The following MED1 variants were observed in gnomAD, a reference collection of about 807,000 sequenced individuals.
MED1 encodes mediator complex subunit 1, also known as mediator of RNA polymerase II transcription subunit 1.
Under a neutral mutation model 121.3 loss-of-function variants are expected in MED1, and 17 were observed. The observed-to-expected ratio is 0.14, with a 90% CI of 0.10 to 0.21. The LOEUF is 0.21. MED1 is among the 10% of genes least tolerant of loss of function. MED1 has a pLI of 1.00. For missense variants in MED1, 1,558 were observed against 1,919.4 expected (o/e 0.81, Z 3.52); for synonymous variants, 661 against 694.4 (o/e 0.95, Z 0.76).
rs1039431360 is a variant in MED1, at chr17:39,404,616, G to A, written c.*2859C>T. On this transcript the variant is annotated 3_prime_UTR_variant, in exon 17 of 17. Coordinates refer to ENST00000300651, the MANE Select transcript of MED1 (RefSeq NM_004774.4). ...AGGATAGAAATGTATGGGGGGCAGG[G>A]GAGGAGGGGAGAAGGAAAAAAAAAT... is the stretch of plus-strand genomic sequence containing the variant. The A allele has an allele frequency of 1.3e-5, 2 of 152,182 alleles. No homozygotes were observed. The highest frequency in any genetic ancestry group is 1.3e-4 in the Admixed American group (2 of 15,264). 9.4% of individuals were successfully genotyped at this position (152,182 alleles called of 1,614,324 possible).
chr17:39,443,685 G>A, intron 2 of MED1, 57 bp from the exon 3 acceptor site: 1 of 1,376,586 alleles, frequency 7.3e-7, no homozygotes. Context: ...CAGTGTTTTA[G>A]GTAAACATAC....
intron 3 of MED1, among the ~76,000 whole-genome samples, chr17:39,443,214 C>A (rs2144770415): frequency 6.6e-6 from 1 of 151,646 alleles, no homozygotes; most frequent in East Asian, 2.0e-4. Flanking sequence ...GTTGGCCAGG[C>A]TGGTCTCAAA....
chr17:39,442,925 A>T (rs1015719523), intron 3 of MED1, among the ~76,000 whole-genome samples: 1 of 149,986 alleles, frequency 6.7e-6, no homozygotes, highest in Admixed American at 6.7e-5. Context: ...AAAAAAAAAA[A>T]AAAAAGTCCA....
Position 39,431,127 on chromosome 17 carries a change from G to A in MED1, c.637C>T (p.Pro213Ser), listed in dbSNP as rs539833619. ...ILHGSVGYLT[P>S]RSGGHLMNLK... Reference sequence around the variant, plus strand: ...TAGGATCACGTACCCCCACTCCTTGGTGTGAGATAGCCAACACTTCCATGA... The same window carrying A: ...TAGGATCACGTACCCCCACTCCTTGATGTGAGATAGCCAACACTTCCATGA... Residue 213 changes from proline (P) to serine (S), a missense_variant, in exon 9 of 17, where the codon CCA (proline) becomes TCA (serine). Transcript: ENST00000300651. 25 of 1,612,912 alleles carry A rather than the reference G, an allele frequency of 1.5e-5. No individual in the cohort carries two copies. The highest frequency in any genetic ancestry group is 2.0e-5 in the Non-Finnish European group (23 of 1,179,052).
rs1235348714 is a variant in MED1, at chr17:39,434,259, G to A, written c.490C>T (p.Pro164Ser). The stretch of plus-strand genomic sequence containing the variant: ...ATTAAAAATACTTACTTGTCCCCTG[G>A]AAGGTTATACAGATTAACAAGGCCC... ...LKGLVNLYNL[P>S]GDNKLKTKMY... is the part of the protein sequence containing the mutation. Residue 164 changes from proline to serine, a missense_variant, in exon 7 of 17, where the codon CCA (proline) becomes TCA (serine). Pro to Ser is a moderately conservative substitution (Grantham distance 74). Around this residue, in one of 5 missense-constraint regions of MED1, gnomAD observed 443 missense variants for 532.4 expected, o/e 0.83. Transcript: ENST00000300651. 6.4e-7 allele frequency: 1 copy of A among 1,552,240 alleles called. No homozygotes were observed. The highest frequency in any genetic ancestry group is 1.2e-5 in the South Asian group (1 of 81,752).
chr17:39,441,181 A>C (rs1279829506), intron 3 of MED1, among the ~76,000 whole-genome samples: 1 of 152,238 alleles, frequency 6.6e-6, no homozygotes, highest in Non-Finnish European at 1.5e-5. Context: ...AACCTTGAAG[A>C]CATTACGTTT....
rs1249009039 is a variant in MED1 at position 39,408,254 on chromosome 17, C to G, written c.3967G>C (p.Asp1323His). ...ACCCCCATCTGGCCGTCCAGTGGGTCTTCACCCCCAGGGCCACTGGTGACA... is the reference window on the plus strand; with the variant it reads ...ACCCCCATCTGGCCGTCCAGTGGGTGTTCACCCCCAGGGCCACTGGTGACA... Reference protein sequence around the residue: ...GVVTSGPGGEDPLDGQMGVST... With the variant: ...GVVTSGPGGEHPLDGQMGVST... Residue 1323 changes from aspartate (D) to histidine (H), a missense_variant, in exon 17 of 17, where the codon GAC becomes CAC. Physicochemically the swap from Asp to His is moderately conservative, Grantham distance 81 (BLOSUM62 -1). Around this residue, in one of 5 missense-constraint regions of MED1, gnomAD observed 264 missense variants for 326.1 expected, o/e 0.81. Coordinates refer to ENST00000300651, the MANE Select transcript of MED1 (RefSeq NM_004774.4). The surrounding 1 kb of genome is among the most constrained non-coding windows in gnomAD (Gnocchi z 4.7). The G allele has an allele frequency of 6.2e-7, 1 of 1,614,098 alleles. No homozygotes were observed.
chr17:39,417,016 T>A (rs2048415458), intron 14 of MED1, among the ~76,000 whole-genome samples: 1 of 151,980 alleles, frequency 6.6e-6, no homozygotes, highest in Non-Finnish European at 1.5e-5. Flanking sequence ...CCAATCTCGA[T>A]AACAGAGCAA....
At chr17:39,442,468 G>A (rs963675768) in intron 3 of MED1, among the ~76,000 whole-genome samples, 16 of 151,682 alleles carry the variant, frequency 1.1e-4, no homozygotes, top group Admixed American at 9.9e-4. Context: ...GTGGTGGGAC[G>A]CGCCTGTAGT....
intron 7 of MED1, among the ~76,000 whole-genome samples, chr17:39,434,040 C>T (rs896926699): frequency 4.6e-5 from 7 of 152,158 alleles, no homozygotes; most frequent in African/African-American, 1.7e-4. Flanking sequence ...TATATTCTGT[C>T]TTCCAGCATT....
At chr17:39,418,532 C>CAAAACAAAAAA (rs2048432124) in intron 14 of MED1, among the ~76,000 whole-genome samples, 1 of 131,010 alleles carries the variant, frequency 7.6e-6, no homozygotes, top group Non-Finnish European at 1.6e-5. Flanking sequence ...GACCCTGTCT[C>CAAAACAAAAAA]AAAAAAAAAA....
chr17:39,414,108 T>C (rs1429192799), intron 16 of MED1, among the ~76,000 whole-genome samples: 1 of 150,732 alleles, frequency 6.6e-6, no homozygotes, highest in East Asian at 2.0e-4. Flanking sequence ...ATGCCTGTAA[T>C]CCTAGCTACT....
At position 39,432,667 on chromosome 17, in the gene MED1, T is replaced by C. The variant is rs546991889; in HGVS notation, c.501-651A>G. On this transcript the variant is annotated intron_variant, in intron 7 of 16. Coordinates refer to ENST00000300651, the MANE Select transcript of MED1 (RefSeq NM_004774.4). ...TACTTGGGAGACTAAGGCAAGAGAA[T>C]TGCTTGAACCCGGGAGGTGGAGGTT... is the stretch of plus-strand genomic sequence containing the variant. Among the ~76,000 whole-genome samples, 113 of 151,636 alleles carry C rather than the reference T, an allele frequency of 7.5e-4. 1 individual carries two copies. Among genetic ancestry groups the C allele is most frequent in the Non-Finnish European group, 1.3e-3 (90 of 67,964 alleles).
At chr17:39,439,958 G>T (rs1211280178) in intron 5 of MED1, among the ~76,000 whole-genome samples, 2 of 135,818 alleles carry the variant, frequency 1.5e-5, no homozygotes, top group African/African-American at 2.9e-5. Flanking sequence ...GAAAAAGAAG[G>T]AAAGAAGGAA....
intron 6 of MED1, among the ~76,000 whole-genome samples, chr17:39,438,181 T>G (rs1475165931): frequency 6.6e-6 from 1 of 151,494 alleles, no homozygotes; most frequent in Non-Finnish European, 1.5e-5. Context: ...CTATTTTTTT[T>G]TTTTTTCTGA....
chr17:39,408,634 G>A lies in MED1; in HGVS notation c.3587C>T (p.Ser1196Leu). 6.2e-7 allele frequency: 1 copy of A among 1,614,190 alleles called. No homozygotes were observed. The highest frequency in any genetic ancestry group is 1.1e-5 in the South Asian group (1 of 91,080). The change falls in exon 17 of 17, where the codon TCA (serine) becomes TTA (leucine). Residue 1196 changes from serine to leucine, a missense_variant. Ser to Leu is a moderately radical substitution (Grantham distance 145). Coordinates refer to ENST00000300651, the MANE Select transcript of MED1 (RefSeq NM_004774.4). The surrounding 1 kb of genome is among the most constrained non-coding windows in gnomAD (Gnocchi z 4.7). ...LSKPNISPSH[S>L]RPPGGSDKLA... ...CTTGTCAGAGCCTCCAGGTGGCCTT[G>A]AATGAGAAGGGGATATGTTTGGTTT...
At chr17:39,443,055 G>A (rs1480114960) in intron 3 of MED1, among the ~76,000 whole-genome samples, 1 of 128,862 alleles carries the variant, frequency 7.8e-6, no homozygotes, top group African/African-American at 3.0e-5. Context: ...AGGCTGGAGT[G>A]TAATGGCGTG....
intron 6 of MED1, among the ~76,000 whole-genome samples, chr17:39,438,370 G>A (rs183965395): frequency 1.3e-4 from 17 of 130,696 alleles, no homozygotes; most frequent in Non-Finnish European, 1.9e-4. Flanking sequence ...TTGAGACGGC[G>A]TCTTGCTCTG....
chr17:39,447,088 T>C (rs2048734992), intron 2 of MED1, among the ~76,000 whole-genome samples: 1 of 151,914 alleles, frequency 6.6e-6, no homozygotes. Context: ...AACAGGGTCA[T>C]AGTCAAAATG....
Sources: allele counts gnomAD v4.1 joint callset (sites outside exome capture counted in the v4.1 genomes callset), GRCh38; gene constraint gnomAD v4.1.1; regional missense constraint gnomAD v4.1.1; non-coding constraint Gnocchi (gnomAD v3.1); transcripts MANE v1.5; gene names NCBI Gene and HGNC (gene_info 2026-07-23, HGNC 2026-07-21).